Variants in CDH18 observed in about 807,000 individuals in gnomAD.
CDH18 encodes cadherin 18, also known as cadherin-18.
CDH18 carries 31 observed loss-of-function variants against 67.9 expected under a neutral mutation model. The observed-to-expected ratio is 0.46, with a 90% CI of 0.34 to 0.62. The LOEUF (loss-of-function observed/expected upper bound fraction) is 0.62, where lower values mean the gene tolerates loss of function less well. Ranked by LOEUF, CDH18 falls within the 20% of genes least tolerant of loss-of-function variation. The pLI, the probability that CDH18 is intolerant of heterozygous loss-of-function variation, is 0.01. For missense variants in CDH18, 890 were observed against 975.5 expected, an observed-to-expected ratio of 0.91 and a Z score of 1.17; for synonymous variants, 362 against 347.2, an observed-to-expected ratio of 1.04 and a Z score of -0.48.
intron 9 of CDH18, among the ~76,000 whole-genome samples, chr5:19,539,499 GA>G (rs1000709459): frequency 2.2e-4 from 34 of 152,048 alleles, no homozygotes; most frequent in South Asian, 1.2e-3. Flanking sequence ...GTGAGGTAGT[GA>G]AAAAAAATTA....
At chr5:20,283,554 T>C (rs1339784972) in intron 1 of CDH18, among the ~76,000 whole-genome samples, 1 of 151,874 alleles carries the variant, frequency 6.6e-6, no homozygotes, top group Non-Finnish European at 1.5e-5. Flanking sequence ...CAATTAAATA[T>C]CATTTGACCC....
chr5:19,832,890 T>G (rs111457025), intron 3 of CDH18, among the ~76,000 whole-genome samples: 26 of 152,232 alleles, frequency 1.7e-4, no homozygotes, highest in African/African-American at 6.0e-4. Flanking sequence ...GCTCTATATG[T>G]TTTGGTACCA....
intron 5 of CDH18, among the ~76,000 whole-genome samples, chr5:19,647,224 A>G (rs1754884774): frequency 6.6e-6 from 1 of 151,986 alleles, no homozygotes; most frequent in South Asian, 2.1e-4. Flanking sequence ...AATGTAATTT[A>G]AAGATGCCTA....
At position 19,772,341 on chromosome 5, in the gene CDH18, C is replaced by G. The variant is rs192600927; in HGVS notation, c.229-25105G>C. ...TATCCAGATATGCCCAATAAAATCC[C>G]AAGAGTTGTTATAAGAGAAAAGGGG... On this transcript the variant is annotated intron_variant, in intron 3 of 12. Transcript: ENST00000382275. Among the ~76,000 whole-genome samples, 354 of 152,072 alleles carry G rather than the reference C, an allele frequency of 2.3e-3. 4 individuals carry two copies. Among genetic ancestry groups the G allele is most frequent in the African/African-American group, 8.1e-3 (337 of 41,468 alleles).
At chr5:20,501,062 CT>C (rs1561068206) in intron 1 of CDH18, among the ~76,000 whole-genome samples, 1 of 152,084 alleles carries the variant, frequency 6.6e-6, no homozygotes, top group Non-Finnish European at 1.5e-5. Flanking sequence ...TTTAGTCACT[CT>C]GTCTTAAATG....
At chr5:20,276,396 A>G (rs950184362) in intron 1 of CDH18, among the ~76,000 whole-genome samples, 60 of 152,256 alleles carry the variant, frequency 3.9e-4, no homozygotes, top group African/African-American at 1.4e-3. Context: ...CCCCCATTCC[A>G]GGCTCTCACT....
At chr5:20,470,516 T>C (rs1299175424) in intron 1 of CDH18, among the ~76,000 whole-genome samples, 1 of 152,162 alleles carries the variant, frequency 6.6e-6, no homozygotes, top group African/African-American at 2.4e-5. Flanking sequence ...CTCTTCCCCA[T>C]ACTCACTTTT....
chr5:19,500,849 G>A (rs1039234160), intron 11 of CDH18, among the ~76,000 whole-genome samples: 39 of 151,990 alleles, frequency 2.6e-4, no homozygotes, highest in African/African-American at 8.0e-4. Context: ...GGTAATTAGC[G>A]GCCAGTCACG....
intron 2 of CDH18, among the ~76,000 whole-genome samples, chr5:20,204,931 A>G (rs538756177): frequency 2.6e-5 from 4 of 152,104 alleles, no homozygotes; most frequent in African/African-American, 9.6e-5. Flanking sequence ...ACAAAAAGCA[A>G]TAAGTTAAAA....
At chr5:20,286,532 C>A (rs2126719412) in intron 1 of CDH18, among the ~76,000 whole-genome samples, 1 of 151,644 alleles carries the variant, frequency 6.6e-6, no homozygotes, top group African/African-American at 2.4e-5. Flanking sequence ...GACCTTGGTA[C>A]TTGGAGCTAT....
intron 12 of CDH18, among the ~76,000 whole-genome samples, chr5:19,482,838 T>C (rs77471216): frequency 0.096 from 14,585 of 152,196 alleles, 908 homozygotes; most frequent in Admixed American, 0.13. Context: ...TTTTGTTGTA[T>C]ATTTGATCTC....
At chr5:19,710,048 T>C (rs1764520536) in intron 5 of CDH18, among the ~76,000 whole-genome samples, 1 of 152,112 alleles carries the variant, frequency 6.6e-6, no homozygotes, top group East Asian at 1.9e-4. Context: ...GGCAGGAGAA[T>C]TGTTTGAACC....
At chr5:19,552,390 G>C (rs1737613209) in intron 8 of CDH18, among the ~76,000 whole-genome samples, 1 of 152,028 alleles carries the variant, frequency 6.6e-6, no homozygotes, top group South Asian at 2.1e-4. Context: ...TCATCTTTTA[G>C]ACTTCAGTTT....
chr5:19,473,934 C>A lies in CDH18; in HGVS notation c.1883-218G>T, dbSNP rs913101293. 1.4e-4 allele frequency among the ~76,000 whole-genome samples: 22 copies of A among 152,110 alleles called. 1 individual carries two copies. The highest frequency in any genetic ancestry group is 1.2e-3 in the Admixed American group (18 of 15,262). On this transcript the variant is annotated intron_variant, in intron 12 of 12. Coordinates refer to ENST00000382275, the MANE Select transcript of CDH18 (RefSeq NM_004934.5). ...AAGATGATTACCCCAGGAGACATTG[C>A]GAATTGCTGATCTTCTATAGAAAAC...
At position 20,429,991 on chromosome 5, in the gene CDH18, T is replaced by C. The variant is rs1748610982; in HGVS notation, c.-580+145471A>G. Among the ~76,000 whole-genome samples, 2 of 152,194 alleles carry C rather than the reference T, an allele frequency of 1.3e-5. 1 individual carries two copies. Among genetic ancestry groups the C allele is most frequent in the Admixed American group, 1.3e-4 (2 of 15,270 alleles). On this transcript the variant is annotated intron_variant, in intron 1 of 14. Transcript: ENST00000507958. The stretch of plus-strand genomic sequence containing the variant: ...CAGGAAGCTTCCACTTTTCATATAA[T>C]TTCTTCATTTCCCACCAAATTTTCT...
chr5:19,516,162 C>T (rs759100281), intron 10 of CDH18, among the ~76,000 whole-genome samples: 10 of 151,966 alleles, frequency 6.6e-5, no homozygotes, highest in South Asian at 2.1e-4. Flanking sequence ...TATTGATTTG[C>T]GTAGGTTGAA....
chr5:20,281,124 T>A (rs1192394310), intron 1 of CDH18, among the ~76,000 whole-genome samples: 1 of 152,074 alleles, frequency 6.6e-6, no homozygotes, highest in Admixed American at 6.5e-5. Flanking sequence ...GTCAGATGAG[T>A]AGGTTGCAAA....
At chr5:20,430,318 C>T (rs963184334) in intron 1 of CDH18, among the ~76,000 whole-genome samples, 2 of 152,152 alleles carry the variant, frequency 1.3e-5, no homozygotes, top group African/African-American at 4.8e-5. Flanking sequence ...TTGACTCCAG[C>T]TGTTTTCATC....
At chr5:19,489,462 T>G (rs374931628) in intron 11 of CDH18, among the ~76,000 whole-genome samples, 4 of 152,214 alleles carry the variant, frequency 2.6e-5, no homozygotes, top group African/African-American at 9.6e-5. Context: ...TTGGCCAGGC[T>G]GGTCTCAAAC....
Sources: allele counts gnomAD v4.1 joint callset (sites outside exome capture counted in the v4.1 genomes callset), GRCh38; gene constraint gnomAD v4.1.1; transcripts MANE v1.5; gene names NCBI Gene and HGNC (gene_info 2026-07-23, HGNC 2026-07-21).